Variants in MOV10 observed in about 807,000 individuals in gnomAD.
MOV10 encodes the protein RNA helicase MOV-10.
Under a neutral mutation model 108.4 loss-of-function variants are expected in MOV10, and 39 were observed. The ratio of observed to expected loss-of-function variants is 0.36; its 90% CI spans 0.28 to 0.47. The LOEUF is 0.47. Ranked by LOEUF, MOV10 falls within the 20% of genes least tolerant of loss-of-function variation. MOV10 has a pLI of 1.00. For synonymous variants in MOV10, 490 were observed against 523.1 expected, an observed-to-expected ratio of 0.94 and a Z score of 0.86; for missense variants, 952 against 1,297.6, an observed-to-expected ratio of 0.73 and a Z score of 4.09.
Position 112,700,463 on chromosome 1 carries a change from G to A in MOV10, c.2968G>A (p.Gly990Ser). 6.2e-7 allele frequency: 1 copy of A among 1,613,882 alleles called. No homozygotes were observed. The highest frequency in any genetic ancestry group is 8.5e-7 in the Non-Finnish European group (1 of 1,179,912). The change falls in exon 21 of 21, where the codon GGC becomes AGC. Residue 990 changes from glycine to serine, a missense_variant. By Grantham distance (56) the Gly-to-Ser change is moderately conservative. This residue lies in a region of MOV10 where 42 missense variants were observed against 36.5 expected (regional missense o/e 1.15). Coordinates refer to ENST00000369645, the MANE Select transcript of MOV10 (RefSeq NM_001321324.2). ...YLPQEREGEG[G>S]LSLQVEPEWR... ...CCCCCAGGAGCGGGAGGGTGAAGGGGGCCTGTCTCTGCAAGTGGAGCCAGA... is the reference window on the plus strand; with the variant it reads ...CCCCCAGGAGCGGGAGGGTGAAGGGAGCCTGTCTCTGCAAGTGGAGCCAGA...
At chr1:112,691,625 G>A (rs1372049523) in intron 5 of MOV10, 40 bp from the exon 6 acceptor site, 1 of 1,603,806 alleles carries the variant, frequency 6.2e-7, no homozygotes, top group Non-Finnish European at 8.5e-7. Flanking sequence ...AGTGTTGGAG[G>A]GTGAGGGGTT....
In MOV10 at chr1:112,698,107, G is replaced by T; in HGVS notation, c.2312G>T (p.Arg771Leu). ...ERFCRWAGLP[R>L]QGFPIIFHGV... ...TTCTGCCGCTGGGCGGGCCTACCTC[G>T]ACAGGTGAGGCTGAGCAGGGCAGGC... Residue 771 changes from arginine (R) to leucine (L), a missense_variant, in exon 15 of 21, where the codon CGA (arginine) becomes CTA (leucine). Around this residue, in one of 5 missense-constraint regions of MOV10, gnomAD observed 453 missense variants for 611.5 expected, o/e 0.74. Transcript: ENST00000369645. 6.2e-7 allele frequency: 1 copy of T among 1,613,900 alleles called. No individual in the cohort carries two copies. Among genetic ancestry groups the T allele is most frequent in the Non-Finnish European group, 8.5e-7 (1 of 1,179,924 alleles).
At chr1:112,698,821 T>A (rs774851517) in intron 17 of MOV10, 32 bp downstream of exon 17, 1 of 1,587,564 alleles carries the variant, frequency 6.3e-7, no homozygotes, top group Non-Finnish European at 8.7e-7. Context: ...ACTCCCTGCC[T>A]TCCGTGTGCC....
chr1:112,689,504 A>G lies in MOV10; in HGVS notation c.431A>G (p.Asp144Gly), dbSNP rs1489928734. Residue 144 changes from aspartate (D) to glycine (G), a missense_variant, in exon 4 of 21, where the codon GAT (aspartate) becomes GGT (glycine). This residue lies in a region of MOV10 where 374 missense variants were observed against 468.6 expected (regional missense o/e 0.80). Transcript: ENST00000369645. Reference protein sequence around the residue: ...ARDGQLLIRLDLNRKEVLTLR... With the variant: ...ARDGQLLIRLGLNRKEVLTLR... ...GATGGGCAGCTCCTTATCCGCCTGG[A>G]TTTGAACCGCAAAGAGGTGCTGACC... The G allele has an allele frequency of 6.2e-7, 1 of 1,613,730 alleles. No individual in the cohort carries two copies. The highest frequency in any genetic ancestry group is 1.7e-5 in the Admixed American group (1 of 59,980).
chr1:112,696,924 C>A, intron 14 of MOV10, 78 bp downstream of exon 14: 2 of 1,233,888 alleles, frequency 1.6e-6, no homozygotes, highest in Non-Finnish European at 2.3e-6. Flanking sequence ...GAGAGTCTGG[C>A]TTGCTGTCAG....
chr1:112,693,008 A>C, intron 7 of MOV10, 79 bp downstream of exon 7: 1 of 1,369,606 alleles, frequency 7.3e-7, no homozygotes, highest in East Asian at 2.5e-5. Context: ...TATTCCTGAC[A>C]GCAGGGCAGA....
chr1:112,687,022 A>C (rs970634551), intron 2 of MOV10: 3 of 456,478 alleles, frequency 6.6e-6, no homozygotes, highest in Non-Finnish European at 1.3e-5. Context: ...CTGAAATGCA[A>C]ATATGATCTT....
Position 112,690,020 on chromosome 1 carries a change from T to C in MOV10, c.758T>C (p.Met253Thr), listed in dbSNP as rs764346509. The C allele has an allele frequency of 1.2e-6, 2 of 1,614,116 alleles. No homozygotes were observed. Among genetic ancestry groups the C allele is most frequent in the Admixed American group, 1.7e-5 (1 of 60,032 alleles). ...CCCCTGGCTGCACAGCTGAAGCCCATGACTCCCTTCAAGCGGACCCGGATC... is the reference window on the plus strand; with the variant it reads ...CCCCTGGCTGCACAGCTGAAGCCCACGACTCCCTTCAAGCGGACCCGGATC... ...HSPLAAQLKP[M>T]TPFKRTRITG... The change falls in exon 5 of 21, where the codon ATG becomes ACG. Residue 253 changes from methionine to threonine, a missense_variant. Met to Thr is a moderately conservative substitution (Grantham distance 81). Coordinates refer to ENST00000369645, the MANE Select transcript of MOV10 (RefSeq NM_001321324.2).
At chr1:112,690,891 TTC>T (rs1673518987) in intron 5 of MOV10, among the ~76,000 whole-genome samples, 1 of 152,212 alleles carries the variant, frequency 6.6e-6, no homozygotes, top group Admixed American at 6.5e-5. Flanking sequence ...CTCTGTAGAT[TTC>T]TCTGTGCTGG....
At chr1:112,698,178 T>G in intron 15 of MOV10, 67 bp downstream of exon 15, 1 of 1,591,894 alleles carries the variant, frequency 6.3e-7, no homozygotes, top group Non-Finnish European at 8.6e-7. Context: ...GTGCAGCCCC[T>G]CCCTTTGTCA....
At chr1:112,682,921 C>CG (rs1553184014) in intron 2 of MOV10, among the ~76,000 whole-genome samples, 2 of 137,316 alleles carry the variant, frequency 1.5e-5, no homozygotes, top group East Asian at 4.2e-4. Context: ...CTAGGAACAT[C>CG]TTTTTTTTTT....
rs949579625 is a variant in MOV10 at position 112,699,636 on chromosome 1, C to A, written c.2584-49C>A. The A allele has an allele frequency of 5.0e-6, 8 of 1,611,604 alleles. No individual in the cohort carries two copies. The African/African-American group carries it at 9.4e-5, about 19-fold the overall frequency. ...AGGCAAGCTCCCTGGGGTAGGGCAC[C>A]CCTTTGACACCCCTGGCTGGTCTCA... On this transcript the variant is annotated intron_variant, in intron 17 of 20. Transcript: ENST00000369645.
rs761827588 is a variant in MOV10 at position 112,689,540 on chromosome 1, G to A, written c.467G>A (p.Arg156Gln). The change falls in exon 4 of 21, where the codon CGG (arginine) becomes CAG (glutamine). Residue 156 changes from arginine to glutamine, a missense_variant. This residue lies in a region of MOV10 where 374 missense variants were observed against 468.6 expected (regional missense o/e 0.80). Coordinates refer to ENST00000369645, the MANE Select transcript of MOV10 (RefSeq NM_001321324.2). ...NRKEVLTLRL[R>Q]NGGTQSVTLT... ...AAAGAGGTGCTGACCCTGAGGCTTC[G>A]GAATGGCGGAACCCAGTCTGTTACC... 5.6e-6 allele frequency: 9 copies of A among 1,614,126 alleles called. No homozygotes were observed. The highest frequency in any genetic ancestry group is 4.4e-5 in the South Asian group (4 of 91,078).
rs141836635 is a variant in MOV10, at chr1:112,685,653, C to CAATAAAATAAAATAAAATAAAATAA, written c.138-3272_138-3248dup. ...CTGGTGATAGAGCAAGATTCCGTCT[C>CAATAAAATAAAATAAAATAAAATAA]AATAAAATAAAATAAAATAAAATAA... On this transcript the variant is annotated intron_variant, in intron 2 of 20. Coordinates refer to ENST00000369645, the MANE Select transcript of MOV10 (RefSeq NM_001321324.2). Among the ~76,000 whole-genome samples, 1,019 of 139,236 alleles carry CAATAAAATAAAATAAAATAAAATAA rather than the reference C, an allele frequency of 7.3e-3. 17 individuals carry two copies. Among genetic ancestry groups the CAATAAAATAAAATAAAATAAAATAA allele is most frequent in the East Asian group, 0.03 (144 of 4,764 alleles). The allele number at this position is 139,236 out of a possible 152,430, so 91.3% of individuals were successfully genotyped here. A position where few individuals can be genotyped will look rare whatever the true frequency, so the allele number is the denominator to read the frequency against.
At position 112,682,195 on chromosome 1, in the gene MOV10, A is replaced by G. The variant is rs184042799; in HGVS notation, c.138-6740A>G. ...CAGGCGTGAGCCATCGCGCCCGGCC[A>G]TGGGTTTTTTGTTGTTGTTGTTTGG... On this transcript the variant is annotated intron_variant, in intron 2 of 20. Coordinates refer to ENST00000369645, the MANE Select transcript of MOV10 (RefSeq NM_001321324.2). Among the ~76,000 whole-genome samples, 70 of 152,112 alleles carry G rather than the reference A, an allele frequency of 4.6e-4. 1 individual carries two copies. In the East Asian group the frequency reaches 0.012, roughly 27 times the overall value.
chr1:112,694,930 C>CT lies in MOV10; in HGVS notation c.1620+35dup. The CT allele has an allele frequency of 6.3e-7, 1 of 1,597,876 alleles. No individual in the cohort carries two copies. Among genetic ancestry groups the CT allele is most frequent in the Non-Finnish European group, 8.6e-7 (1 of 1,169,182 alleles). On this transcript the variant is annotated intron_variant, in intron 10 of 20. Coordinates refer to ENST00000369645, the MANE Select transcript of MOV10 (RefSeq NM_001321324.2). This position sits in a 1 kb window ranked among gnomAD's most constrained non-coding sequence, Gnocchi z 4.1. ...TGAGCACAAACCTGGGGCCTGCACT[C>CT]TGATTCCCCCAGCACCAAGCAGTTG...
At position 112,692,778 on chromosome 1, in the gene MOV10, C is replaced by T; in HGVS notation, c.989C>T (p.Ala330Val). 1.2e-6 allele frequency: 2 copies of T among 1,614,032 alleles called. No individual in the cohort carries two copies. Among genetic ancestry groups the T allele is most frequent in the South Asian group, 1.1e-5 (1 of 91,072 alleles). ...ATTTCCAGGGCCCAGCTGGAGACAG[C>T]CCTGAAGTGGAGGAACTATGAGGTG... ...IAEIKAQLET[A>V]LKWRNYEVKL... is the part of the protein sequence containing the mutation. Residue 330 changes from alanine (A) to valine (V), a missense_variant, in exon 7 of 21, where the codon GCC becomes GTC. By Grantham distance (64) the Ala-to-Val change is moderately conservative. This residue lies in a region of MOV10 where 374 missense variants were observed against 468.6 expected (regional missense o/e 0.80). Transcript: ENST00000369645.
intron 2 of MOV10, among the ~76,000 whole-genome samples, chr1:112,679,788 A>G (rs1252292481): frequency 1.3e-5 from 2 of 152,176 alleles, no homozygotes; most frequent in Admixed American, 6.5e-5. Flanking sequence ...CAAATTGTCA[A>G]AAATTTAAAA....
In MOV10 at chr1:112,696,613, C is replaced by T. The variant is rs1005808679; in HGVS notation, c.1982-17C>T. ...TGCACCACTTACCTTTCTTCCCACA[C>T]CTCTTCTGCTTCCCAGGGCTGATGG... On this transcript the variant is annotated splice_polypyrimidine_tract_variant and intron_variant, in intron 13 of 20. Transcript: ENST00000369645. The T allele has an allele frequency of 1.2e-6, 2 of 1,613,464 alleles. No homozygotes were observed. Among genetic ancestry groups the T allele is most frequent in the African/African-American group, 2.7e-5 (2 of 75,028 alleles).
Sources: gnomAD v4.1 joint callset for allele counts (sites outside exome capture counted in the v4.1 genomes callset) on GRCh38, gnomAD v4.1.1 for gene constraint, gnomAD v4.1.1 regional missense constraint, Gnocchi (gnomAD v3.1) non-coding constraint, MANE v1.5 for transcripts, NCBI Gene and HGNC (gene_info 2026-07-23, HGNC 2026-07-21) for gene names.